The following RELN variants were observed in gnomAD, a reference collection of about 807,000 sequenced individuals.
RELN encodes the protein reelin.
Under a neutral mutation model 427.6 loss-of-function variants are expected in RELN, and 108 were observed. The ratio of observed to expected loss-of-function variants is 0.25; its 90% CI spans 0.22 to 0.30. The LOEUF is 0.30. Ranked by LOEUF, RELN falls within the 10% of genes least tolerant of loss-of-function variation. The pLI is 1.00. For synonymous variants in RELN, 1,524 were observed against 1,513.4 expected (o/e 1.01, Z -0.16); for missense variants, 3,715 against 4,302.8 (o/e 0.86, Z 3.82).
At chr7:103,566,112 G>T in intron 33 of RELN, 112 bp downstream of exon 33, 1 of 918,516 alleles carries the variant, frequency 1.1e-6, no homozygotes, top group Non-Finnish European at 1.7e-6. Flanking sequence ...GCCACCCTCA[G>T]CATGGGTAGT....
chr7:103,909,780 A>C (rs28648830), intron 2 of RELN, among the ~76,000 whole-genome samples: 1 of 80,802 alleles, frequency 1.2e-5, no homozygotes, highest in Admixed American at 1.9e-4. Context: ...AATATATATA[A>C]ATATATATAT....
chr7:103,558,188 AGG>A, intron 36 of RELN, 139 bp from the exon 37 acceptor site: 1 of 629,550 alleles, frequency 1.6e-6, no homozygotes, highest in Admixed American at 2.5e-5. Context: ...CTAGTTTAAA[AGG>A]AAAAATGGGA....
intron 36 of RELN, among the ~76,000 whole-genome samples, chr7:103,558,741 A>T (rs1236854886): frequency 6.6e-6 from 1 of 152,194 alleles, no homozygotes; most frequent in Non-Finnish European, 1.5e-5. Context: ...GGTACATAGG[A>T]TTGCAGTGAC....
At chr7:103,776,279 T>C (rs2116211112) in intron 4 of RELN, among the ~76,000 whole-genome samples, 1 of 152,312 alleles carries the variant, frequency 6.6e-6, no homozygotes, top group Admixed American at 6.5e-5. Flanking sequence ...AATTTAAAAA[T>C]TACTACTAAG....
At chr7:103,862,893 C>T (rs537586412) in intron 2 of RELN, among the ~76,000 whole-genome samples, 10 of 152,002 alleles carry the variant, frequency 6.6e-5, no homozygotes, top group South Asian at 6.3e-4. Flanking sequence ...GCTGTTCTCT[C>T]GGTAGAAGAA....
intron 2 of RELN, among the ~76,000 whole-genome samples, chr7:103,894,885 C>T (rs749977202): frequency 3.3e-5 from 5 of 152,240 alleles, no homozygotes; most frequent in East Asian, 1.9e-4. Flanking sequence ...ATGTAATGAC[C>T]TGACCTCTGC....
intron 2 of RELN, among the ~76,000 whole-genome samples, chr7:103,893,099 G>A (rs1308663664): frequency 6.6e-6 from 1 of 152,040 alleles, no homozygotes; most frequent in African/African-American, 2.4e-5. Context: ...AGACAGAAGA[G>A]AAAAAAATTA....
rs1229118503 is a variant in RELN at position 103,539,343 on chromosome 7, A to T, written c.6931-16T>A. The T allele has an allele frequency of 6.2e-6, 10 of 1,611,878 alleles. No individual in the cohort carries two copies. The highest frequency in any genetic ancestry group is 5.9e-6 in the Non-Finnish European group (7 of 1,178,174). On this transcript the variant is annotated splice_polypyrimidine_tract_variant and intron_variant, in intron 44 of 64. Transcript: ENST00000428762. ...CAATAAGAATCTGAAATGTATTTTTAAAAAATCCCAAATTTTCCATTTAGT... is the reference window on the plus strand; with the variant it reads ...CAATAAGAATCTGAAATGTATTTTTTAAAAATCCCAAATTTTCCATTTAGT...
chr7:103,473,701 CTG>C (rs1228356954), intron 64 of RELN, among the ~76,000 whole-genome samples: 1 of 152,142 alleles, frequency 6.6e-6, no homozygotes, highest in African/African-American at 2.4e-5. Flanking sequence ...CTGTAGGAAA[CTG>C]TACAATACTA....
At chr7:103,881,493 C>A (rs1216264445) in intron 2 of RELN, among the ~76,000 whole-genome samples, 1 of 152,080 alleles carries the variant, frequency 6.6e-6, no homozygotes, top group African/African-American at 2.4e-5. Context: ...TATTTCTGCA[C>A]CCCTTCTTGC....
intron 4 of RELN, among the ~76,000 whole-genome samples, chr7:103,758,843 C>T (rs1266808256): frequency 6.6e-6 from 1 of 151,532 alleles, no homozygotes; most frequent in East Asian, 1.9e-4. Flanking sequence ...CCAGTGGGGC[C>T]TATCCAGATG....
At position 103,596,081 on chromosome 7, in the gene RELN, T is replaced by A. The variant is rs946324358; in HGVS notation, c.3539+375A>T. ...TGAAACACTTTAACAAAAAAATCCA[T>A]CTTACTGTTAAATCTAAGAGCTAAG... On this transcript the variant is annotated intron_variant, in intron 25 of 64. Transcript: ENST00000428762. Among the ~76,000 whole-genome samples, 3 of 152,196 alleles carry A rather than the reference T, an allele frequency of 2.0e-5. No homozygotes were observed. The South Asian group carries it at 6.2e-4, about 31-fold the overall frequency.
At chr7:103,746,974 T>TTG (rs1790853046) in intron 6 of RELN, among the ~76,000 whole-genome samples, 1 of 152,186 alleles carries the variant, frequency 6.6e-6, no homozygotes, top group Non-Finnish European at 1.5e-5. Flanking sequence ...CGTATGTTTA[T>TTG]AGCAGCACTA....
chr7:103,534,788 G>C (rs1295969542), intron 46 of RELN, among the ~76,000 whole-genome samples: 1 of 152,154 alleles, frequency 6.6e-6, no homozygotes, highest in East Asian at 1.9e-4. Flanking sequence ...AGACAAGAAT[G>C]AAAGGTTTTT....
chr7:103,842,874 T>C (rs1793586558), intron 2 of RELN, among the ~76,000 whole-genome samples: 1 of 152,124 alleles, frequency 6.6e-6, no homozygotes, highest in Admixed American at 6.6e-5. Context: ...ACTTAAAAGA[T>C]GAGATGTCTT....
In RELN at chr7:103,948,271, G is replaced by A. The variant is rs61293928; in HGVS notation, c.227-31086C>T. Among the ~76,000 whole-genome samples the A allele has an allele frequency of 4.1e-3, 625 of 152,224 alleles. 7 individuals are homozygous for A. Among genetic ancestry groups the A allele is most frequent in the African/African-American group, 0.014 (583 of 41,520 alleles). On this transcript the variant is annotated intron_variant, in intron 1 of 64. Transcript: ENST00000428762. ...CTAGAATCACATTCTAGGTGCTGGT[G>A]AACACACACATGCACACACACACAT... is the stretch of plus-strand genomic sequence containing the variant.
At chr7:103,510,251 A>T (rs1470605402) in intron 51 of RELN, among the ~76,000 whole-genome samples, 1 of 152,234 alleles carries the variant, frequency 6.6e-6, no homozygotes, top group African/African-American at 2.4e-5. Flanking sequence ...ATGCCCATCA[A>T]TGATAGACTG....
intron 1 of RELN, among the ~76,000 whole-genome samples, chr7:103,986,278 C>A (rs1348894026): frequency 1.3e-5 from 2 of 152,056 alleles, no homozygotes; most frequent in African/African-American, 4.8e-5. Context: ...TGAGAACACA[C>A]CAGATGTAAC....
intron 25 of RELN, among the ~76,000 whole-genome samples, chr7:103,596,035 A>G (rs913470466): frequency 2.0e-5 from 3 of 152,182 alleles, no homozygotes; most frequent in Non-Finnish European, 1.5e-5. Flanking sequence ...CTGTTTAGGG[A>G]TAGCCCTTGG....
Sources: gnomAD v4.1 joint callset for allele counts (sites outside exome capture counted in the v4.1 genomes callset) on GRCh38, gnomAD v4.1.1 for gene constraint, MANE v1.5 for transcripts, NCBI Gene and HGNC (gene_info 2026-07-23, HGNC 2026-07-21) for gene names.